The following PAX5 variants were observed in gnomAD, a reference collection of about 807,000 sequenced individuals.
The protein encoded by PAX5 is paired box protein Pax-5.
In PAX5, 9 loss-of-function variants were observed where a neutral mutation model predicts 43.7. That is an observed-to-expected ratio of 0.21 (90% confidence interval 0.12 to 0.36). The LOEUF is 0.36. Among genes scored for constraint, PAX5 ranks in the 10% least tolerant of loss-of-function variants. The probability of loss-of-function intolerance (pLI) is 1.00; values close to 1 mark genes in which losing one functional copy is unlikely to be tolerated. For synonymous variants in PAX5, 228 were observed against 214.3 expected, an observed-to-expected ratio of 1.06 and a Z score of -0.56; for missense variants, 383 against 532.7, an observed-to-expected ratio of 0.72 and a Z score of 2.77.
At chr9:36,875,773 C>T (rs1825858268) in intron 8 of PAX5, among the ~76,000 whole-genome samples, 1 of 152,070 alleles carries the variant, frequency 6.6e-6, no homozygotes, top group Non-Finnish European at 1.5e-5. Flanking sequence ...CCAGTTTCGA[C>T]AAGGAAGGAA....
rs111234296 is a variant in PAX5 at position 37,034,245 on chromosome 9, G to A, written c.-214C>T. The A allele has an allele frequency of 5.5e-5, 31 of 560,562 alleles. No individual in the cohort carries two copies. The highest frequency in any genetic ancestry group is 4.1e-4 in the South Asian group (18 of 43,836). 34.7% of individuals were successfully genotyped at this position (560,562 alleles called of 1,614,324 possible). On this transcript the variant is annotated 5_prime_UTR_variant, in exon 1 of 10. Transcript: ENST00000358127. ...TTAGGTGGAAAAAAAGCGTCCGAAG[G>A]CACCGTGAAATGATTAAGGAACTAA...
chr9:36,952,901 G>A (rs6476601), intron 6 of PAX5, among the ~76,000 whole-genome samples: 139 of 152,162 alleles, frequency 9.1e-4, no homozygotes, highest in African/African-American at 3.3e-3. Context: ...AAAATCAAAG[G>A]TCTTATTTTA....
intron 5 of PAX5, among the ~76,000 whole-genome samples, chr9:36,973,530 T>TA (rs1202801318): frequency 4.6e-5 from 7 of 152,116 alleles, no homozygotes; most frequent in African/African-American, 1.7e-4. Context: ...ACCTATAAAG[T>TA]AGACACCCAC....
intron 3 of PAX5, among the ~76,000 whole-genome samples, chr9:37,009,561 A>G (rs757419037): frequency 2.0e-5 from 3 of 152,170 alleles, no homozygotes; most frequent in Non-Finnish European, 4.4e-5. Flanking sequence ...TGGGGGAGTA[A>G]AGATGCTCAA....
At chr9:36,907,076 G>C (rs974703637) in intron 7 of PAX5, among the ~76,000 whole-genome samples, 1 of 152,118 alleles carries the variant, frequency 6.6e-6, no homozygotes, top group Non-Finnish European at 1.5e-5. Context: ...TCTGCTTGAG[G>C]GGCTTGGTAC....
At chr9:36,895,735 G>T (rs1369060864) in intron 7 of PAX5, among the ~76,000 whole-genome samples, 1 of 152,204 alleles carries the variant, frequency 6.6e-6, no homozygotes, top group Non-Finnish European at 1.5e-5. Context: ...TGCACTGGCA[G>T]AAAATGTGAC....
At chr9:36,981,054 T>C (rs562195026) in intron 5 of PAX5, among the ~76,000 whole-genome samples, 1 of 151,936 alleles carries the variant, frequency 6.6e-6, no homozygotes, top group South Asian at 2.1e-4. Context: ...GGCCTTGGGG[T>C]CTTTGCACTT....
At chr9:36,898,580 T>C (rs1410492209) in intron 7 of PAX5, among the ~76,000 whole-genome samples, 1 of 152,190 alleles carries the variant, frequency 6.6e-6, no homozygotes, top group Non-Finnish European at 1.5e-5. Flanking sequence ...ATCAAACAGC[T>C]TCTTGACGGG....
intron 7 of PAX5, among the ~76,000 whole-genome samples, chr9:36,892,360 CAAT>C (rs1291372231): frequency 2.0e-5 from 3 of 152,212 alleles, no homozygotes; most frequent in Non-Finnish European, 2.9e-5. Context: ...ATAACAGTAA[CAAT>C]AACAACCAAA....
chr9:37,034,069 A>G lies in PAX5; in HGVS notation c.-38T>C. Reference sequence around the variant, plus strand: ...GGACTTGATGGAATGGACAGGGAAAAGTTTCCACTTTTTTGTGCCTTTTTT... The same window carrying G: ...GGACTTGATGGAATGGACAGGGAAAGGTTTCCACTTTTTTGTGCCTTTTTT... On this transcript the variant is annotated 5_prime_UTR_variant, in exon 1 of 10. Coordinates refer to ENST00000358127, the MANE Select transcript of PAX5 (RefSeq NM_016734.3). 2.0e-6 allele frequency: 2 copies of G among 1,022,102 alleles called. No homozygotes were observed. The highest frequency in any genetic ancestry group is 1.5e-5 in the South Asian group (1 of 64,604). 63.3% of individuals were successfully genotyped at this position (1,022,102 alleles called of 1,614,324 possible). A position where few individuals can be genotyped will look rare whatever the true frequency, so the allele number is the denominator to read the frequency against.
chr9:36,943,106 C>T (rs560231564), intron 6 of PAX5, among the ~76,000 whole-genome samples: 1 of 152,340 alleles, frequency 6.6e-6, no homozygotes, highest in African/African-American at 2.4e-5. Context: ...TTCTCCATCT[C>T]AGTCCCACCG....
intron 5 of PAX5, among the ~76,000 whole-genome samples, chr9:36,983,721 C>T (rs1836135406): frequency 6.6e-6 from 1 of 152,140 alleles, no homozygotes; most frequent in Admixed American, 6.5e-5. Flanking sequence ...GGATCCACCC[C>T]TCTCGGCCTC....
At chr9:36,994,415 G>T (rs1411866382) in intron 5 of PAX5, among the ~76,000 whole-genome samples, 4 of 152,154 alleles carry the variant, frequency 2.6e-5, no homozygotes, top group Non-Finnish European at 5.9e-5. Context: ...TGGCTGCTTG[G>T]CCACTGCCCT....
chr9:37,026,275 T>C (rs1840351514), intron 1 of PAX5, among the ~76,000 whole-genome samples: 1 of 152,236 alleles, frequency 6.6e-6, no homozygotes, highest in Admixed American at 6.5e-5. Flanking sequence ...AGCTGAAATG[T>C]CGCCGCCGGA....
chr9:36,978,501 C>G lies in PAX5; in HGVS notation c.605-11777G>C, dbSNP rs200235404. Reference sequence around the variant, plus strand: ...AGTCTCTCTCCCATCCCCCACTGCACAGAAATAAATAAATAAATAAATAAA... The same window carrying G: ...AGTCTCTCTCCCATCCCCCACTGCAGAGAAATAAATAAATAAATAAATAAA... On this transcript the variant is annotated intron_variant, in intron 5 of 9. Transcript: ENST00000358127. 8.0e-5 allele frequency among the ~76,000 whole-genome samples: 10 copies of G among 124,368 alleles called. No homozygotes were observed. The East Asian group carries it at 2.6e-3, about 32-fold the overall frequency. 81.6% of individuals were successfully genotyped at this position (124,368 alleles called of 152,430 possible).
intron 7 of PAX5, among the ~76,000 whole-genome samples, chr9:36,897,401 G>C (rs1827964513): frequency 6.6e-6 from 1 of 152,116 alleles, no homozygotes; most frequent in Admixed American, 6.5e-5. Flanking sequence ...GACCTCTGGA[G>C]CTCCCATTCT....
intron 6 of PAX5, among the ~76,000 whole-genome samples, chr9:36,957,214 G>A (rs773691605): frequency 7.9e-5 from 12 of 152,226 alleles, no homozygotes; most frequent in Admixed American, 5.2e-4. Context: ...AGTTAAGTCC[G>A]TCTCTCAGTT....
intron 6 of PAX5, among the ~76,000 whole-genome samples, chr9:36,953,363 A>G (rs1217480424): frequency 6.6e-6 from 1 of 152,186 alleles, no homozygotes; most frequent in Non-Finnish European, 1.5e-5. Flanking sequence ...TTTGGTTAGC[A>G]TCTGTCACTA....
At chr9:36,901,979 A>G (rs781429293) in intron 7 of PAX5, among the ~76,000 whole-genome samples, 141 of 152,336 alleles carry the variant, frequency 9.3e-4, no homozygotes, top group South Asian at 8.3e-4. Flanking sequence ...TTAGAATGAA[A>G]GGCCTTCTAT....
Sources: gnomAD v4.1 joint callset for allele counts (sites outside exome capture counted in the v4.1 genomes callset) on GRCh38, gnomAD v4.1.1 for gene constraint, MANE v1.5 for transcripts, NCBI Gene and HGNC (gene_info 2026-07-23, HGNC 2026-07-21) for gene names.